DHRS7B: variants seen among roughly 807,000 people sequenced by gnomAD.
DHRS7B encodes dehydrogenase/reductase 7B.
In DHRS7B, 24 loss-of-function variants were observed where a neutral mutation model predicts 26.4. The ratio of observed to expected loss-of-function variants is 0.91; its 90% CI spans 0.66 to 1.28. The LOEUF (loss-of-function observed/expected upper bound fraction) is 1.28. Ranked by LOEUF, DHRS7B falls within the 50% of genes most tolerant of loss-of-function variation. The pLI is 0.00. For missense variants in DHRS7B, 368 were observed against 419.4 expected (o/e 0.88, Z 1.07); for synonymous variants, 142 against 166.4 (o/e 0.85, Z 1.13).
intron 1 of DHRS7B, chr17:21,166,154 A>C (rs1974109173): frequency 2.0e-6 from 2 of 985,362 alleles, no homozygotes; most frequent in Admixed American, 1.2e-4. Flanking sequence ...GCCGGGAAGC[A>C]TGTGCTTGGC....
intron 1 of DHRS7B, among the ~76,000 whole-genome samples, chr17:21,148,260 G>C (rs1046684060): frequency 6.6e-6 from 1 of 151,628 alleles, no homozygotes; most frequent in African/African-American, 2.4e-5. Flanking sequence ...GTAGTTTCAA[G>C]GAAACTCAAT....
intron 1 of DHRS7B, among the ~76,000 whole-genome samples, chr17:21,147,870 C>T (rs900298940): frequency 9.2e-5 from 14 of 152,148 alleles, no homozygotes; most frequent in African/African-American, 3.1e-4. Flanking sequence ...AGCAACACAA[C>T]ACTGTAGGAG....
chr17:21,135,956 C>T (rs1973331299), intron 1 of DHRS7B, among the ~76,000 whole-genome samples: 1 of 152,110 alleles, frequency 6.6e-6, no homozygotes, highest in African/African-American at 2.4e-5. Flanking sequence ...TGATGGGCAT[C>T]TTCTATGGGG....
At chr17:21,127,028 C>A (rs1973114206) in intron 1 of DHRS7B, 37 bp downstream of exon 1, 1 of 1,511,254 alleles carries the variant, frequency 6.6e-7, no homozygotes. Flanking sequence ...CGAGATGAGG[C>A]GATAGGGTCT....
At position 21,172,571 on chromosome 17, in the gene DHRS7B, G is replaced by A. The variant is rs550813458; in HGVS notation, c.199+375G>A. ...CAAATATGGACAGCTAACTTAAAAC[G>A]TGTTTTTACCTCTATGAGGACCAAA... On this transcript the variant is annotated intron_variant, in intron 2 of 6. Coordinates refer to ENST00000395511, the MANE Select transcript of DHRS7B (RefSeq NM_015510.5). 619 of 324,108 alleles carry A rather than the reference G, an allele frequency of 1.9e-3. 1 individual carries two copies. The highest frequency in any genetic ancestry group is 3.2e-3 in the Non-Finnish European group (542 of 167,468). The allele number at this position is 324,108 out of a possible 1,614,324, so 20.1% of individuals were successfully genotyped here.
At chr17:21,170,333 G>T (rs1379128394) in intron 1 of DHRS7B, among the ~76,000 whole-genome samples, 1 of 152,154 alleles carries the variant, frequency 6.6e-6, no homozygotes, top group African/African-American at 2.4e-5. Flanking sequence ...TCCACACAAA[G>T]GGTCCTTGGG....
chr17:21,191,045 T>A lies in DHRS7B; in HGVS notation c.870T>A (p.Ala290=). The A allele has an allele frequency of 6.2e-7, 1 of 1,614,270 alleles. No homozygotes were observed. The highest frequency in any genetic ancestry group is 8.5e-7 in the Non-Finnish European group (1 of 1,180,052). Residue 290 remains alanine (A), a synonymous_variant, in exon 7 of 7, where the codon GCT becomes GCA. Coordinates refer to ENST00000395511, the MANE Select transcript of DHRS7B (RefSeq NM_015510.5). ...VGKKKKDVIL[A]DLLPSLAVYL... ...AGAAGAAGAAAGATGTGATCCTGGC[T>A]GACTTACTGCCTTCCTTGGCTGTTT...
intron 2 of DHRS7B, among the ~76,000 whole-genome samples, chr17:21,173,532 G>C (rs1182809748): frequency 6.6e-6 from 1 of 152,188 alleles, no homozygotes; most frequent in Admixed American, 6.5e-5. Flanking sequence ...TATACAGTTG[G>C]GTGTTGCATG....
At chr17:21,137,852 C>T (rs1254411152) in intron 1 of DHRS7B, among the ~76,000 whole-genome samples, 1 of 150,378 alleles carries the variant, frequency 6.6e-6, no homozygotes, top group African/African-American at 2.5e-5. Context: ...CTTGCCTCGG[C>T]CTCCCATAGT....
chr17:21,184,367 T>A lies in DHRS7B; in HGVS notation c.527-4T>A, dbSNP rs139308154. The A allele has an allele frequency of 1.0e-3, 1,632 of 1,613,648 alleles. 2 individuals carry two copies. Among genetic ancestry groups the A allele is most frequent in the Non-Finnish European group, 1.2e-3 (1,474 of 1,179,844 alleles). ...CTTGCCTAAGCCTCTGCATCTGTCCTCAGCACTCCTGCCCTCCATGATCAA... is the reference window on the plus strand; with the variant it reads ...CTTGCCTAAGCCTCTGCATCTGTCCACAGCACTCCTGCCCTCCATGATCAA... On this transcript the variant is annotated splice_region_variant and splice_polypyrimidine_tract_variant and intron_variant, in intron 4 of 6. Coordinates refer to ENST00000395511, the MANE Select transcript of DHRS7B (RefSeq NM_015510.5).
At chr17:21,138,216 T>C (rs1973409217) in intron 1 of DHRS7B, among the ~76,000 whole-genome samples, 1 of 115,022 alleles carries the variant, frequency 8.7e-6, no homozygotes, top group African/African-American at 3.4e-5. Flanking sequence ...TCCTTCTTTT[T>C]TTTTTTTTTT....
intron 2 of DHRS7B, among the ~76,000 whole-genome samples, chr17:21,173,824 A>G (rs2144142285): frequency 6.6e-6 from 1 of 152,188 alleles, no homozygotes; most frequent in East Asian, 1.9e-4. Flanking sequence ...GCATTTTGTG[A>G]AAGTCCTTGA....
intron 1 of DHRS7B, among the ~76,000 whole-genome samples, chr17:21,142,220 T>C (rs925317199): frequency 6.6e-5 from 10 of 152,046 alleles, no homozygotes; most frequent in African/African-American, 2.4e-4. Context: ...AGCCAGAGGG[T>C]ACGTGACAGG....
intron 1 of DHRS7B, among the ~76,000 whole-genome samples, chr17:21,141,640 A>AAAAAAAAAAACAAG: frequency 2.2e-5 from 2 of 90,078 alleles, no homozygotes; most frequent in African/African-American, 4.3e-5. Context: ...AAAAAAAAAA[A>AAAAAAAAAAACAAG]CAACCTCATC....
intron 1 of DHRS7B, chr17:21,166,521 C>T: frequency 1.1e-6 from 1 of 940,026 alleles, no homozygotes; most frequent in Non-Finnish European, 1.3e-6. Context: ...CTTAATGTGG[C>T]TTCTCAGACA....
At chr17:21,135,381 T>C (rs902887376) in intron 1 of DHRS7B, among the ~76,000 whole-genome samples, 1 of 152,186 alleles carries the variant, frequency 6.6e-6, no homozygotes, top group Non-Finnish European at 1.5e-5. Flanking sequence ...AAAGGATTAA[T>C]TAGGTCAGAA....
chr17:21,161,300 CAG>C (rs1324794862), intron 1 of DHRS7B, among the ~76,000 whole-genome samples: 1 of 152,114 alleles, frequency 6.6e-6, no homozygotes, highest in Non-Finnish European at 1.5e-5. Flanking sequence ...TGTGTGGACA[CAG>C]GGGTGTATGG....
At chr17:21,187,113 A>ATATATATATAT (rs56182818) in intron 5 of DHRS7B, among the ~76,000 whole-genome samples, 1 of 140,554 alleles carries the variant, frequency 7.1e-6, no homozygotes, top group Admixed American at 6.9e-5. Context: ...ATATATATAT[A>ATATATATATAT]AAATATATAA....
At chr17:21,160,583 A>C (rs1292457377) in intron 1 of DHRS7B, among the ~76,000 whole-genome samples, 2 of 152,222 alleles carry the variant, frequency 1.3e-5, no homozygotes, top group Non-Finnish European at 2.9e-5. Flanking sequence ...AAATGCTAGC[A>C]AGGAAGTGGA....
Sources: allele counts gnomAD v4.1 joint callset (sites outside exome capture counted in the v4.1 genomes callset), GRCh38; gene constraint gnomAD v4.1.1; transcripts MANE v1.5; gene names NCBI Gene and HGNC (gene_info 2026-07-23, HGNC 2026-07-21).